The following TAFA5 variants were observed in gnomAD, a reference collection of about 807,000 sequenced individuals.
The protein encoded by TAFA5 is TAFA chemokine like family member 5.
TAFA5 carries 6 observed loss-of-function variants against 15.3 expected under a neutral mutation model. That is an observed-to-expected ratio of 0.39 (90% CI 0.21 to 0.77). The LOEUF is 0.77. Ranked by LOEUF, TAFA5 falls within the 30% of genes least tolerant of loss-of-function variation. The pLI is 0.41. For missense variants in TAFA5, 161 were observed against 193.1 expected (o/e 0.83, Z 0.98); for synonymous variants, 103 against 80.7 (o/e 1.28, Z -1.48).
chr22:48,683,871 G>A (rs914992394), intron 2 of TAFA5, among the ~76,000 whole-genome samples: 7 of 152,136 alleles, frequency 4.6e-5, no homozygotes, highest in African/African-American at 1.4e-4. Flanking sequence ...TGGCTTAAAA[G>A]TGTAGCCCCT....
intron 3 of TAFA5, among the ~76,000 whole-genome samples, chr22:48,723,791 A>G (rs1042984802): frequency 6.6e-6 from 1 of 152,226 alleles, no homozygotes; most frequent in African/African-American, 2.4e-5. Context: ...TGGACGAGAA[A>G]GGTTTCTGAG....
intron 2 of TAFA5, among the ~76,000 whole-genome samples, chr22:48,681,351 C>A (rs1358997239): frequency 6.6e-6 from 1 of 152,060 alleles, no homozygotes; most frequent in East Asian, 1.9e-4. Flanking sequence ...TGTTTAAAAA[C>A]CAGAGATGAG....
chr22:48,527,861 G>A (rs150625094), intron 1 of TAFA5, among the ~76,000 whole-genome samples: 323 of 152,332 alleles, frequency 2.1e-3, no homozygotes, highest in African/African-American at 7.2e-3. Context: ...GATGGAGCCC[G>A]GCGCGAGGCT....
intron 1 of TAFA5, among the ~76,000 whole-genome samples, chr22:48,622,467 C>T (rs1483818246): frequency 1.3e-5 from 2 of 152,158 alleles, no homozygotes; most frequent in African/African-American, 2.4e-5. Context: ...CAGCACGGGG[C>T]GCTGGGGATT....
rs1235038618 is a variant in TAFA5, at chr22:48,490,642, C to T, written c.112+938C>T. Among the ~76,000 whole-genome samples, 1 of 151,958 alleles carries T rather than the reference C, an allele frequency of 6.6e-6. No individual in the cohort carries two copies. The highest frequency in any genetic ancestry group is 2.4e-5 in the African/African-American group (1 of 41,374). Reference sequence around the variant, plus strand: ...GGGCACAGGCTCTGGCCCCAGATGGCGCGGGCTGGTCGGCTTCAGCTCCGG... The same window carrying T: ...GGGCACAGGCTCTGGCCCCAGATGGTGCGGGCTGGTCGGCTTCAGCTCCGG... On this transcript the variant is annotated intron_variant, in intron 1 of 3. Coordinates refer to ENST00000402357, the MANE Select transcript of TAFA5 (RefSeq NM_001082967.3). The surrounding 1 kb of genome is among the most constrained non-coding windows in gnomAD (Gnocchi z 5.8).
chr22:48,659,978 G>A (rs1189041832), intron 2 of TAFA5, among the ~76,000 whole-genome samples: 1 of 152,236 alleles, frequency 6.6e-6, no homozygotes, highest in African/African-American at 2.4e-5. Context: ...GGAGGGGGGT[G>A]AGTGGGGTTG....
chr22:48,668,656 G>A (rs1409603265), intron 2 of TAFA5, among the ~76,000 whole-genome samples: 2 of 105,376 alleles, frequency 1.9e-5, no homozygotes, highest in Admixed American at 9.3e-5. Flanking sequence ...CAGCACTCAG[G>A]GCCGCGTCTT....
intron 3 of TAFA5, among the ~76,000 whole-genome samples, chr22:48,747,792 G>A (rs1358731772): frequency 2.6e-5 from 4 of 151,834 alleles, no homozygotes; most frequent in Non-Finnish European, 5.9e-5. Context: ...AGCTTCTCAG[G>A]AGGCTGAGGC....
At chr22:48,691,751 T>C (rs1467459283) in intron 2 of TAFA5, among the ~76,000 whole-genome samples, 2 of 152,218 alleles carry the variant, frequency 1.3e-5, no homozygotes, top group Non-Finnish European at 2.9e-5. Flanking sequence ...TCTGGCTCTC[T>C]GTGCTGGGCA....
intron 1 of TAFA5, among the ~76,000 whole-genome samples, chr22:48,615,419 C>G (rs1384483775): frequency 1.3e-5 from 2 of 152,090 alleles, no homozygotes; most frequent in African/African-American, 4.8e-5. Context: ...TGGCAGCAGG[C>G]GTGGCCGAGG....
chr22:48,715,897 T>G (rs1601693968), intron 3 of TAFA5, among the ~76,000 whole-genome samples: 2 of 152,374 alleles, frequency 1.3e-5, no homozygotes, highest in African/African-American at 4.8e-5. Context: ...CATTTAAGTC[T>G]TTAATCCGTC....
chr22:48,681,651 CA>C (rs11327855), intron 2 of TAFA5, among the ~76,000 whole-genome samples: 71,107 of 120,402 alleles, frequency 0.59, 19,228 homozygotes, highest in African/African-American at 0.65. Context: ...ACTCCATCTC[CA>C]AAAAAAAAAA....
At chr22:48,506,658 C>T (rs568374735) in intron 1 of TAFA5, among the ~76,000 whole-genome samples, 106 of 152,258 alleles carry the variant, frequency 7.0e-4, no homozygotes, top group African/African-American at 2.5e-3. Context: ...GCTGCCCTGC[C>T]GGGTGCTGAT....
intron 3 of TAFA5, among the ~76,000 whole-genome samples, chr22:48,741,005 G>A (rs1445506683): frequency 6.6e-6 from 1 of 152,152 alleles, no homozygotes; most frequent in African/African-American, 2.4e-5. Flanking sequence ...TGTAGGAAGT[G>A]GAGACCCAAC....
At chr22:48,527,610 A>T (rs2147110753) in intron 1 of TAFA5, among the ~76,000 whole-genome samples, 1 of 152,324 alleles carries the variant, frequency 6.6e-6, no homozygotes, top group Middle Eastern at 3.4e-3. Flanking sequence ...AGCTCTTGTA[A>T]GTCTGCCTGG....
In TAFA5 at chr22:48,677,908, G is replaced by C. The variant is rs560265140; in HGVS notation, c.263-29809G>C. Among the ~76,000 whole-genome samples the C allele has an allele frequency of 5.9e-5, 9 of 152,094 alleles. No homozygotes were observed. In the South Asian group the frequency reaches 1.7e-3, roughly 28 times the overall value. On this transcript the variant is annotated intron_variant, in intron 2 of 3. Coordinates refer to ENST00000402357, the MANE Select transcript of TAFA5 (RefSeq NM_001082967.3). ...ACTGTGGAGGTCCAAGCTGGAGGCA[G>C]CCCTGCCTGATCTGGCATCCTCACC...
intron 2 of TAFA5, among the ~76,000 whole-genome samples, chr22:48,695,609 T>C (rs888986544): frequency 6.6e-6 from 1 of 152,164 alleles, no homozygotes; most frequent in East Asian, 1.9e-4. Context: ...GCCAGCATGT[T>C]CCTCCCTGTG....
At chr22:48,605,243 A>ATGATGG (rs1925128262) in intron 1 of TAFA5, among the ~76,000 whole-genome samples, 1 of 49,082 alleles carries the variant, frequency 2.0e-5, no homozygotes, top group African/African-American at 7.5e-5. Flanking sequence ...AATGATGGTG[A>ATGATGG]TGATGGTGAT....
intron 1 of TAFA5, among the ~76,000 whole-genome samples, chr22:48,529,923 G>C (rs999423365): frequency 6.6e-6 from 1 of 152,068 alleles, no homozygotes; most frequent in African/African-American, 2.4e-5. Flanking sequence ...GTGGGAGTTG[G>C]GGCATCTGGG....
Sources: allele counts gnomAD v4.1 joint callset (sites outside exome capture counted in the v4.1 genomes callset), GRCh38; gene constraint gnomAD v4.1.1; non-coding constraint Gnocchi (gnomAD v3.1); transcripts MANE v1.5; gene names NCBI Gene and HGNC (gene_info 2026-07-23, HGNC 2026-07-21).